KCNAB1: variants seen among roughly 807,000 people sequenced by gnomAD.
The protein encoded by KCNAB1 is potassium voltage-gated channel subfamily A regulatory beta subunit 1.
In KCNAB1, 35 loss-of-function variants were observed where a neutral mutation model predicts 64.6. The ratio of observed to expected loss-of-function variants is 0.54; its 90% CI spans 0.41 to 0.72. The LOEUF (loss-of-function observed/expected upper bound fraction) is 0.72. Among genes scored for constraint, KCNAB1 ranks in the 30% least tolerant of loss-of-function variants. The pLI is 0.00. For missense variants in KCNAB1, 401 were observed against 512.9 expected, an observed-to-expected ratio of 0.78 and a Z score of 2.11; for synonymous variants, 177 against 183.8, an observed-to-expected ratio of 0.96 and a Z score of 0.30.
intron 1 of KCNAB1, among the ~76,000 whole-genome samples, chr3:156,171,280 A>G (rs1423751714): frequency 1.3e-5 from 2 of 151,934 alleles, no homozygotes; most frequent in Admixed American, 6.6e-5. Context: ...TTGCAGGAAC[A>G]TCCATTGTAA....
At chr3:156,374,898 T>A (rs1711541406) in intron 1 of KCNAB1, among the ~76,000 whole-genome samples, 1 of 136,080 alleles carries the variant, frequency 7.3e-6, no homozygotes. Flanking sequence ...TATAAATGAT[T>A]AATAGACGTG....
intron 1 of KCNAB1, among the ~76,000 whole-genome samples, chr3:156,417,719 G>GAAAAAAAAAAAAAAAAAA (rs200175870): frequency 7.7e-6 from 1 of 130,262 alleles, no homozygotes; most frequent in African/African-American, 2.9e-5. Flanking sequence ...TGCCTTAAAA[G>GAAAAAAAAAAAAAAAAAA]AAAAAAAAAA....
intron 1 of KCNAB1, among the ~76,000 whole-genome samples, chr3:156,386,777 A>G (rs1310091223): frequency 6.6e-6 from 1 of 152,148 alleles, no homozygotes; most frequent in East Asian, 1.9e-4. Context: ...TTCTTTACCA[A>G]ACTGGGGCCA....
intron 1 of KCNAB1, among the ~76,000 whole-genome samples, chr3:156,313,613 G>T (rs1722073808): frequency 6.6e-6 from 1 of 152,206 alleles, no homozygotes; most frequent in South Asian, 2.1e-4. Context: ...GCTGGAGAAG[G>T]CAAGGGAAAT....
chr3:156,299,286 T>C (rs139399580), intron 1 of KCNAB1, among the ~76,000 whole-genome samples: 338 of 152,376 alleles, frequency 2.2e-3, no homozygotes, highest in Non-Finnish European at 3.5e-3. Flanking sequence ...CCCAAGCTTT[T>C]ATCTCTGGAA....
chr3:156,257,104 T>C (rs988538877), intron 1 of KCNAB1, among the ~76,000 whole-genome samples: 6 of 152,216 alleles, frequency 3.9e-5, no homozygotes, highest in Admixed American at 2.6e-4. Flanking sequence ...ACCTTGTCAA[T>C]AGTCTTTGTG....
chr3:156,516,481 G>T (rs752130014), intron 11 of KCNAB1, 117 bp downstream of exon 11: 443 of 728,262 alleles, frequency 6.1e-4, no homozygotes, highest in Non-Finnish European at 9.5e-4. Flanking sequence ...TGTTGTCCAG[G>T]CCAGTGGCCT....
At chr3:156,266,859 A>C (rs916190176) in intron 1 of KCNAB1, among the ~76,000 whole-genome samples, 4 of 152,194 alleles carry the variant, frequency 2.6e-5, no homozygotes, top group African/African-American at 2.4e-5. Context: ...GAGTCTGCCC[A>C]GTGAAATTTA....
chr3:156,177,345 T>C (rs930657637), intron 1 of KCNAB1, among the ~76,000 whole-genome samples: 1 of 152,246 alleles, frequency 6.6e-6, no homozygotes, highest in South Asian at 2.1e-4. Context: ...AAATAACTAA[T>C]GCAAATTTGA....
chr3:156,338,964 A>G (rs551081419), intron 1 of KCNAB1, among the ~76,000 whole-genome samples: 1 of 152,314 alleles, frequency 6.6e-6, no homozygotes, highest in Admixed American at 6.5e-5. Flanking sequence ...CTGCTAACAC[A>G]TATCTTTAGA....
At chr3:156,296,472 C>A (rs1229911406) in intron 1 of KCNAB1, among the ~76,000 whole-genome samples, 2 of 128,778 alleles carry the variant, frequency 1.6e-5, no homozygotes, top group African/African-American at 3.2e-5. Context: ...CCCCCCCCCC[C>A]CACCTTTTTT....
At chr3:156,490,579 T>C (rs1715559481) in intron 8 of KCNAB1, among the ~76,000 whole-genome samples, 1 of 152,094 alleles carries the variant, frequency 6.6e-6, no homozygotes, top group African/African-American at 2.4e-5. Flanking sequence ...TTTACATATT[T>C]AAAATACAAT....
chr3:156,473,797 C>T (rs986563705), intron 7 of KCNAB1, among the ~76,000 whole-genome samples: 1 of 152,090 alleles, frequency 6.6e-6, no homozygotes, highest in African/African-American at 2.4e-5. Flanking sequence ...GAGACTAAAG[C>T]CTCTGGTCTC....
At chr3:156,443,769 C>T (rs552705107) in intron 2 of KCNAB1, among the ~76,000 whole-genome samples, 38 of 151,032 alleles carry the variant, frequency 2.5e-4, no homozygotes, top group African/African-American at 9.1e-4. Context: ...CACACACACA[C>T]ACACACACAC....
At position 156,305,264 on chromosome 3, in the gene KCNAB1, C is replaced by T. The variant is rs546373292; in HGVS notation, c.276-116352C>T. Among the ~76,000 whole-genome samples, 10 of 152,210 alleles carry T rather than the reference C, an allele frequency of 6.6e-5. No homozygotes were observed. In the South Asian group the frequency reaches 2.1e-3, roughly 32 times the overall value. On this transcript the variant is annotated intron_variant, in intron 1 of 13. Coordinates refer to ENST00000490337, the MANE Select transcript of KCNAB1 (RefSeq NM_172160.3). ...GTTCTGTGAACATATGATATCTTTGCAATAGGTCTTGTTATTTAGCTTTGT... is the reference window on the plus strand; with the variant it reads ...GTTCTGTGAACATATGATATCTTTGTAATAGGTCTTGTTATTTAGCTTTGT...
At chr3:156,168,106 G>A (rs1333830689) in intron 1 of KCNAB1, among the ~76,000 whole-genome samples, 1 of 152,122 alleles carries the variant, frequency 6.6e-6, no homozygotes, top group Non-Finnish European at 1.5e-5. Context: ...AGGAGACTGA[G>A]GTGGGAGGAT....
chr3:156,395,072 CA>C (rs1231655526), intron 1 of KCNAB1, among the ~76,000 whole-genome samples: 2 of 152,162 alleles, frequency 1.3e-5, no homozygotes, highest in Non-Finnish European at 2.9e-5. Flanking sequence ...TTTCTTTGGT[CA>C]AACTATTGAA....
chr3:156,267,943 A>T (rs1718813768), intron 1 of KCNAB1, among the ~76,000 whole-genome samples: 1 of 151,962 alleles, frequency 6.6e-6, no homozygotes, highest in Admixed American at 6.6e-5. Flanking sequence ...TATTGACCAT[A>T]GTCACCTGCT....
chr3:156,531,548 G>A, intron 13 of KCNAB1, 51 bp downstream of exon 13: 1 of 1,332,060 alleles, frequency 7.5e-7, no homozygotes, highest in Non-Finnish European at 1.1e-6. Context: ...GTGCCTTTGA[G>A]GCTATCTCCA....
Sources: allele counts gnomAD v4.1 joint callset (sites outside exome capture counted in the v4.1 genomes callset), GRCh38; gene constraint gnomAD v4.1.1; transcripts MANE v1.5; gene names NCBI Gene and HGNC (gene_info 2026-07-23, HGNC 2026-07-21).